The following STAU2 variants were observed in gnomAD, a reference collection of about 807,000 sequenced individuals.
STAU2 encodes staufen double-stranded RNA binding protein 2.
Under a neutral mutation model 65.9 loss-of-function variants are expected in STAU2, and 20 were observed. The ratio of observed to expected loss-of-function variants is 0.30; its 90% CI spans 0.21 to 0.44. The LOEUF is 0.44. Among genes scored for constraint, STAU2 ranks in the 20% least tolerant of loss-of-function variants. The probability of loss-of-function intolerance (pLI) is 1.00; values close to 1 mark genes in which losing one functional copy is unlikely to be tolerated. For missense variants in STAU2, 558 were observed against 683.9 expected (o/e 0.82, Z 2.05); for synonymous variants, 232 against 233.9 (o/e 0.99, Z 0.07).
intron 13 of STAU2, among the ~76,000 whole-genome samples, chr8:73,469,232 A>G (rs1036808152): frequency 2.6e-5 from 4 of 151,980 alleles, no homozygotes; most frequent in Non-Finnish European, 4.4e-5. Flanking sequence ...GCATGTTCTC[A>G]CTCATAGGTG....
intron 11 of STAU2, among the ~76,000 whole-genome samples, chr8:73,586,797 G>C (rs1378263700): frequency 6.6e-6 from 1 of 151,950 alleles, no homozygotes; most frequent in African/African-American, 2.4e-5. Context: ...ATGTCAGAGA[G>C]GGACTAGAAA....
At chr8:73,679,978 AT>A (rs1160379353) in intron 5 of STAU2, among the ~76,000 whole-genome samples, 2,631 of 81,384 alleles carry the variant, frequency 0.032, 109 homozygotes, top group African/African-American at 0.12. Flanking sequence ...TAGGGAAGCC[AT>A]TTTTTTTTTT....
At chr8:73,461,925 C>T (rs558012397) in intron 13 of STAU2, among the ~76,000 whole-genome samples, 5 of 152,304 alleles carry the variant, frequency 3.3e-5, no homozygotes, top group Admixed American at 1.3e-4. Context: ...TTTGTCAATC[C>T]GATCTTCCTG....
intron 13 of STAU2, among the ~76,000 whole-genome samples, chr8:73,463,144 C>G (rs1819462961): frequency 1.3e-5 from 2 of 152,154 alleles, no homozygotes; most frequent in South Asian, 4.1e-4. Flanking sequence ...ATGATGCTTA[C>G]TAGAAAGTGA....
intron 13 of STAU2, among the ~76,000 whole-genome samples, chr8:73,474,232 T>C (rs149446774): frequency 7.6e-4 from 116 of 152,326 alleles, no homozygotes; most frequent in African/African-American, 2.5e-3. Flanking sequence ...AGCAAGTCCC[T>C]GGAGTCTGCA....
intron 13 of STAU2, among the ~76,000 whole-genome samples, chr8:73,528,911 A>C (rs2128931909): frequency 6.6e-6 from 1 of 152,232 alleles, no homozygotes; most frequent in South Asian, 2.1e-4. Context: ...GATCTGACTG[A>C]AAATTACAAT....
intron 6 of STAU2, chr8:73,668,882 T>C (rs1462604336): frequency 1.8e-6 from 1 of 567,980 alleles, no homozygotes. Context: ...ACATCATCAG[T>C]AGAGGGTGGT....
chr8:73,500,848 G>C (rs559438385), intron 13 of STAU2, among the ~76,000 whole-genome samples: 70 of 151,934 alleles, frequency 4.6e-4, no homozygotes, highest in Non-Finnish European at 7.8e-4. Context: ...AAAATATAAA[G>C]GAATTTGCAC....
At chr8:73,472,730 C>T (rs1028406796) in intron 13 of STAU2, among the ~76,000 whole-genome samples, 8 of 151,726 alleles carry the variant, frequency 5.3e-5, no homozygotes, top group African/African-American at 1.9e-4. Flanking sequence ...TTTGGTTCAG[C>T]ATTAAAAAAA....
intron 5 of STAU2, among the ~76,000 whole-genome samples, chr8:73,680,726 C>A (rs1209596710): frequency 6.6e-6 from 1 of 151,692 alleles, no homozygotes; most frequent in East Asian, 1.9e-4. Flanking sequence ...TAATACAAGA[C>A]ATGGATGAAA....
intron 13 of STAU2, among the ~76,000 whole-genome samples, chr8:73,471,914 A>G (rs1820057366): frequency 6.6e-6 from 1 of 151,884 alleles, no homozygotes; most frequent in African/African-American, 2.4e-5. Context: ...CTCTTGTAAT[A>G]CTTGCATTTA....
intron 12 of STAU2, among the ~76,000 whole-genome samples, chr8:73,570,209 G>A (rs552808532): frequency 2.0e-5 from 3 of 152,164 alleles, no homozygotes; most frequent in Non-Finnish European, 4.4e-5. Flanking sequence ...TGGAAGTAAG[G>A]GTATCAGTGA....
At chr8:73,540,157 C>A (rs1806453302) in intron 13 of STAU2, among the ~76,000 whole-genome samples, 1 of 152,156 alleles carries the variant, frequency 6.6e-6, no homozygotes, top group Non-Finnish European at 1.5e-5. Context: ...AAAATAAAGT[C>A]TTTGCAGATG....
intron 6 of STAU2, among the ~76,000 whole-genome samples, chr8:73,645,919 C>T (rs964494393): frequency 3.3e-5 from 5 of 152,088 alleles, no homozygotes; most frequent in African/African-American, 7.2e-5. Context: ...TCATGAGAAA[C>T]CATCCCCATG....
At chr8:73,444,390 CA>C (rs1158879486) in intron 13 of STAU2, among the ~76,000 whole-genome samples, 1 of 130,674 alleles carries the variant, frequency 7.7e-6, no homozygotes, top group Non-Finnish European at 1.6e-5. Flanking sequence ...TAAGCAACAA[CA>C]AGAGCAAAAC....
chr8:73,567,035 G>A (rs189983710), intron 12 of STAU2, among the ~76,000 whole-genome samples: 3 of 152,140 alleles, frequency 2.0e-5, no homozygotes, highest in East Asian at 1.9e-4. Flanking sequence ...ACAATACCAC[G>A]CTGAGAATCT....
chr8:73,724,639 T>C (rs1368750488), intron 3 of STAU2, among the ~76,000 whole-genome samples: 3 of 150,606 alleles, frequency 2.0e-5, no homozygotes, highest in African/African-American at 7.3e-5. Flanking sequence ...GGCTAAGCTA[T>C]GATGTTCAGT....
chr8:73,540,814 T>C (rs1481705845), intron 13 of STAU2, among the ~76,000 whole-genome samples: 7 of 152,186 alleles, frequency 4.6e-5, no homozygotes, highest in African/African-American at 1.4e-4. Context: ...GTAAGAATTA[T>C]GAGTTTTGAC....
chr8:73,496,553 G>A (rs1256920367), intron 13 of STAU2, among the ~76,000 whole-genome samples: 1 of 151,544 alleles, frequency 6.6e-6, no homozygotes, highest in African/African-American at 2.4e-5. Flanking sequence ...CCTCATCTTT[G>A]ACATAAAAGT....
Sources: gnomAD v4.1 joint callset for allele counts (sites outside exome capture counted in the v4.1 genomes callset) on GRCh38, gnomAD v4.1.1 for gene constraint, MANE v1.5 for transcripts, NCBI Gene and HGNC (gene_info 2026-07-23, HGNC 2026-07-21) for gene names.